PITPNC1: variants seen among roughly 807,000 people sequenced by gnomAD.
PITPNC1 encodes cytoplasmic phosphatidylinositol transfer protein 1.
Under a neutral mutation model 44.7 loss-of-function variants are expected in PITPNC1, and 18 were observed. The observed-to-expected ratio is 0.40, with a 90% CI of 0.28 to 0.60. The LOEUF is 0.60. Ranked by LOEUF, PITPNC1 falls within the 20% of genes least tolerant of loss-of-function variation. The pLI is 0.39. For missense variants in PITPNC1, 290 were observed against 418.4 expected, an observed-to-expected ratio of 0.69 and a Z score of 2.68; for synonymous variants, 141 against 149.6, an observed-to-expected ratio of 0.94 and a Z score of 0.42.
chr17:67,608,574 T>C (rs1019545610), intron 5 of PITPNC1, among the ~76,000 whole-genome samples: 1 of 149,586 alleles, frequency 6.7e-6, no homozygotes, highest in Non-Finnish European at 1.5e-5. Flanking sequence ...CACTGCAACC[T>C]CCACCTCTTG....
chr17:67,386,510 G>GT (rs1177173597), intron 1 of PITPNC1, among the ~76,000 whole-genome samples: 1 of 152,168 alleles, frequency 6.6e-6, no homozygotes, highest in African/African-American at 2.4e-5. Context: ...AATTAATATA[G>GT]TTTAAACATT....
At chr17:67,590,265 A>G (rs2041372809) in intron 5 of PITPNC1, among the ~76,000 whole-genome samples, 1 of 152,212 alleles carries the variant, frequency 6.6e-6, no homozygotes, top group Non-Finnish European at 1.5e-5. Context: ...ACTGTATTTT[A>G]AAAGAAATAA....
intron 5 of PITPNC1, among the ~76,000 whole-genome samples, chr17:67,625,750 T>G (rs2041888196): frequency 6.6e-6 from 1 of 152,108 alleles, no homozygotes; most frequent in Non-Finnish European, 1.5e-5. Flanking sequence ...CAGAGGAGAC[T>G]AACAGGACGC....
chr17:67,504,464 A>T (rs1211263884), intron 1 of PITPNC1, among the ~76,000 whole-genome samples: 1 of 152,202 alleles, frequency 6.6e-6, no homozygotes, highest in African/African-American at 2.4e-5. Context: ...ACATGTGTAA[A>T]ACTATTGAAG....
At chr17:67,564,200 G>GATGGATGA (rs2040944882) in intron 4 of PITPNC1, among the ~76,000 whole-genome samples, 2 of 135,818 alleles carry the variant, frequency 1.5e-5, no homozygotes, top group African/African-American at 5.2e-5. Context: ...TGGATGGATG[G>GATGGATGA]ATGAGAGGGG....
chr17:67,511,838 G>A (rs1441370171), intron 1 of PITPNC1, among the ~76,000 whole-genome samples: 1 of 152,084 alleles, frequency 6.6e-6, no homozygotes, highest in African/African-American at 2.4e-5. Context: ...TTAATACTTT[G>A]ATAGATGGGA....
chr17:67,668,722 C>T (rs1414580701), intron 6 of PITPNC1, among the ~76,000 whole-genome samples: 2 of 152,098 alleles, frequency 1.3e-5, no homozygotes, highest in Non-Finnish European at 1.5e-5. Flanking sequence ...ATTAGCCAGG[C>T]GTGGTGGCGG....
intron 2 of PITPNC1, among the ~76,000 whole-genome samples, chr17:67,548,336 A>T (rs565597326): frequency 6.6e-5 from 10 of 152,332 alleles, no homozygotes; most frequent in Admixed American, 3.9e-4. Context: ...CATGCCTGTA[A>T]TCCCAACACT....
At chr17:67,499,038 A>G (rs2039993566) in intron 1 of PITPNC1, among the ~76,000 whole-genome samples, 1 of 151,488 alleles carries the variant, frequency 6.6e-6, no homozygotes, top group South Asian at 2.1e-4. Context: ...TGCCTGGCTA[A>G]TTTTTTTGTA....
chr17:67,397,137 C>A (rs927327473), intron 1 of PITPNC1, among the ~76,000 whole-genome samples: 1 of 152,074 alleles, frequency 6.6e-6, no homozygotes, highest in Non-Finnish European at 1.5e-5. Context: ...CCTGCCACCA[C>A]GCCCGGCTAA....
chr17:67,389,605 G>A (rs2143796732), intron 1 of PITPNC1, among the ~76,000 whole-genome samples: 1 of 152,344 alleles, frequency 6.6e-6, no homozygotes, highest in South Asian at 2.1e-4. Context: ...GCACAAGTCT[G>A]TAAGTGTATT....
intron 5 of PITPNC1, among the ~76,000 whole-genome samples, chr17:67,583,911 GTT>G (rs200143427): frequency 0.072 from 9,767 of 135,650 alleles, 434 homozygotes; most frequent in South Asian, 0.13. Flanking sequence ...GTGTGTGTGT[GTT>G]TGTGTTTAGT....
At chr17:67,400,394 ATAAC>A (rs1175665983) in intron 1 of PITPNC1, among the ~76,000 whole-genome samples, 2 of 152,254 alleles carry the variant, frequency 1.3e-5, no homozygotes, top group African/African-American at 4.8e-5. Flanking sequence ...ATAGGCCAAA[ATAAC>A]AGCCTAACAG....
At chr17:67,592,401 T>TA (rs1242843934) in intron 5 of PITPNC1, among the ~76,000 whole-genome samples, 1 of 152,174 alleles carries the variant, frequency 6.6e-6, no homozygotes, top group African/African-American at 2.4e-5. Context: ...AGCAAAAGAC[T>TA]AAATACTGTA....
At chr17:67,424,085 C>CAAAAAA (rs71139144) in intron 1 of PITPNC1, among the ~76,000 whole-genome samples, 67 of 76,070 alleles carry the variant, frequency 8.8e-4, no homozygotes, top group African/African-American at 1.2e-3. Flanking sequence ...GAGACTGTCT[C>CAAAAAA]AAAAAAAAAA....
chr17:67,619,765 G>A (rs1170225515), intron 5 of PITPNC1, among the ~76,000 whole-genome samples: 1 of 149,618 alleles, frequency 6.7e-6, no homozygotes, highest in African/African-American at 2.5e-5. Flanking sequence ...GCCATCTGCA[G>A]TGCCATCTGC....
At chr17:67,546,898 C>A (rs964780580) in intron 2 of PITPNC1, among the ~76,000 whole-genome samples, 6 of 152,212 alleles carry the variant, frequency 3.9e-5, no homozygotes, top group African/African-American at 1.4e-4. Context: ...CCAGAACAAT[C>A]ACTTAGAAGA....
At chr17:67,511,464 A>G (rs956034624) in intron 1 of PITPNC1, among the ~76,000 whole-genome samples, 1 of 152,094 alleles carries the variant, frequency 6.6e-6, no homozygotes, top group African/African-American at 2.4e-5. Flanking sequence ...CTTCCACCAC[A>G]TTGTGGACCG....
chr17:67,560,225 G>T (rs2040888566), intron 4 of PITPNC1, among the ~76,000 whole-genome samples: 1 of 152,200 alleles, frequency 6.6e-6, no homozygotes, highest in African/African-American at 2.4e-5. Flanking sequence ...TTAAGACTTA[G>T]AGGTGTTCCA....
Sources: allele counts gnomAD v4.1 joint callset (sites outside exome capture counted in the v4.1 genomes callset), GRCh38; gene constraint gnomAD v4.1.1; transcripts MANE v1.5; gene names NCBI Gene and HGNC (gene_info 2026-07-23, HGNC 2026-07-21).